Variants in ANK2 observed in about 807,000 individuals in gnomAD.
ANK2 encodes ankyrin-2.
ANK2 carries 83 observed loss-of-function variants against 360.5 expected under a neutral mutation model. That is an observed-to-expected ratio of 0.23 (90% CI 0.19 to 0.28). The LOEUF (loss-of-function observed/expected upper bound fraction) is 0.28. Among genes scored for constraint, ANK2 ranks in the 10% least tolerant of loss-of-function variants. The pLI, the probability that ANK2 is intolerant of heterozygous loss-of-function variation, is 1.00. For synonymous variants in ANK2, 1,740 were observed against 1,759.5 expected (o/e 0.99, Z 0.28); for missense variants, 4,201 against 4,795.7 (o/e 0.88, Z 3.66).
At chr4:113,296,042 A>G (rs952003234) in intron 22 of ANK2, among the ~76,000 whole-genome samples, 4 of 152,104 alleles carry the variant, frequency 2.6e-5, no homozygotes, top group African/African-American at 4.8e-5. Flanking sequence ...AAACAGTAAT[A>G]TTTAAGTTTA....
At chr4:113,218,145 C>T (rs2099107698) in intron 4 of ANK2, among the ~76,000 whole-genome samples, 1 of 144,820 alleles carries the variant, frequency 6.9e-6, no homozygotes, top group South Asian at 2.3e-4. Context: ...TATTTATAAC[C>T]CCTTGTTCTA....
At chr4:113,346,285 T>C (rs2153991356) in intron 35 of ANK2, among the ~76,000 whole-genome samples, 1 of 152,330 alleles carries the variant, frequency 6.6e-6, no homozygotes, top group East Asian at 1.9e-4. Flanking sequence ...ATTCTATTAA[T>C]ACACATTGGG....
chr4:113,194,097 G>T (rs1378740661), intron 2 of ANK2, among the ~76,000 whole-genome samples: 1 of 152,158 alleles, frequency 6.6e-6, no homozygotes, highest in Non-Finnish European at 1.5e-5. Context: ...TACATAATGT[G>T]TCCTTTACTT....
At chr4:113,194,062 G>A (rs920145866) in intron 2 of ANK2, among the ~76,000 whole-genome samples, 2 of 152,076 alleles carry the variant, frequency 1.3e-5, no homozygotes, top group Non-Finnish European at 2.9e-5. Context: ...GTATTTGGGG[G>A]CCAAATATTT....
At chr4:112,955,051 G>A (rs2095264349) in intron 2 of ANK2, among the ~76,000 whole-genome samples, 1 of 151,848 alleles carries the variant, frequency 6.6e-6, no homozygotes, top group Non-Finnish European at 1.5e-5. Flanking sequence ...GTTAACAAGA[G>A]GCAATAAAAT....
chr4:112,907,310 T>A (rs898219879), intron 2 of ANK2, among the ~76,000 whole-genome samples: 3 of 152,180 alleles, frequency 2.0e-5, no homozygotes, highest in African/African-American at 7.2e-5. Context: ...CTTTTAGGAG[T>A]GTTTACTTGA....
At chr4:112,757,120 T>TC in the ANK2 span, among the ~76,000 whole-genome samples, 2 of 150,886 alleles carry the variant, frequency 1.3e-5, no homozygotes, top group Admixed American at 1.3e-4. Flanking sequence ...TTCTTTTTTT[T>TC]TTTTTTTTTG....
intron 1 of ANK2, among the ~76,000 whole-genome samples, chr4:113,140,745 G>A (rs569859206): frequency 1.1e-4 from 16 of 152,150 alleles, no homozygotes; most frequent in East Asian, 1.9e-4. Context: ...TTGGGAGGCC[G>A]AGGCAGGTGT....
chr4:113,220,805 A>T (rs1330051455), intron 4 of ANK2, among the ~76,000 whole-genome samples: 2 of 152,258 alleles, frequency 1.3e-5, no homozygotes, highest in African/African-American at 4.8e-5. Flanking sequence ...AATCTAAGTC[A>T]TCTATAATTG....
rs184261507 is a variant in ANK2 at position 112,876,637 on chromosome 4, C to T, written c.-39-27818C>T. On this transcript the variant is annotated intron_variant, in intron 1 of 30. Coordinates refer to the ANK2 transcript ENST00000503271. The stretch of plus-strand genomic sequence containing the variant: ...AAAGGTGATGGTAAGGCATTTGCTG[C>T]TTGTCTGAGACTAGGCTAGAGCTCT... Among the ~76,000 whole-genome samples the T allele has an allele frequency of 1.9e-3, 291 of 152,252 alleles. 1 individual carries two copies. The highest frequency in any genetic ancestry group is 6.8e-3 in the Middle Eastern group (2 of 294).
intron 1 of ANK2, among the ~76,000 whole-genome samples, chr4:112,875,039 CTT>C (rs991553054): frequency 1.4e-4 from 19 of 140,678 alleles, no homozygotes; most frequent in Admixed American, 1.4e-4. Flanking sequence ...TCCCTAATTA[CTT>C]TTTTTTTTTT....
At chr4:113,051,428 C>G (rs1351616727) in intron 1 of ANK2, among the ~76,000 whole-genome samples, 1 of 152,036 alleles carries the variant, frequency 6.6e-6, no homozygotes, top group African/African-American at 2.4e-5. Context: ...GTAGAGACAA[C>G]GAAATCATCC....
At chr4:112,716,468 G>A in the ANK2 span, among the ~76,000 whole-genome samples, 1 of 152,000 alleles carries the variant, frequency 6.6e-6, no homozygotes, top group Non-Finnish European at 1.5e-5. Flanking sequence ...AAATACTATA[G>A]GTGTATATGC....
rs116467536 is a variant in ANK2 at position 113,350,717 on chromosome 4, C to G, written c.4426+468C>G. 2.1e-3 allele frequency: 326 copies of G among 157,534 alleles called. 1 individual carries two copies. The highest frequency in any genetic ancestry group is 9.9e-3 in the Middle Eastern group (3 of 304). 9.8% of individuals were successfully genotyped at this position (157,534 alleles called of 1,614,324 possible). On this transcript the variant is annotated intron_variant, in intron 37 of 45. Transcript: ENST00000357077. The stretch of plus-strand genomic sequence containing the variant: ...CTAATAGTTCTTAGCTGAAGCTAAC[C>G]CCATCCAATGCCTGCCCCCTCCCCC...
At chr4:112,817,452 C>G (rs1440403671), upstream of ANK2, among the ~76,000 whole-genome samples, 1 of 152,102 alleles carries the variant, frequency 6.6e-6, no homozygotes. Context: ...GCTTATCTGC[C>G]TATCCGTCCA....
At chr4:112,725,220 T>A in the ANK2 span, among the ~76,000 whole-genome samples, 1 of 139,034 alleles carries the variant, frequency 7.2e-6, no homozygotes, top group Non-Finnish European at 1.5e-5. Flanking sequence ...AGGTGGAGGT[T>A]GCAGTGAGCC....
chr4:113,275,844 G>A (rs1183613290), intron 15 of ANK2, among the ~76,000 whole-genome samples: 1 of 150,564 alleles, frequency 6.6e-6, no homozygotes, highest in East Asian at 1.9e-4. Flanking sequence ...ATAAAACGTA[G>A]TCTTTTGTCT....
intron 1 of ANK2, among the ~76,000 whole-genome samples, chr4:113,131,848 A>G (rs1042960409): frequency 1.4e-4 from 21 of 152,236 alleles, no homozygotes; most frequent in African/African-American, 5.1e-4. Flanking sequence ...GTGAAACCAC[A>G]TGCATTTTCA....
At chr4:113,057,953 T>G (rs1315747267) in intron 1 of ANK2, among the ~76,000 whole-genome samples, 1 of 152,178 alleles carries the variant, frequency 6.6e-6, no homozygotes. Context: ...TAGTCCACTT[T>G]GCAGGCTGAC....
Sources: allele counts gnomAD v4.1 joint callset (sites outside exome capture counted in the v4.1 genomes callset), GRCh38; gene constraint gnomAD v4.1.1; transcripts MANE v1.5; gene names NCBI Gene and HGNC (gene_info 2026-07-23, HGNC 2026-07-21).